KCNIP4: variants seen among roughly 807,000 people sequenced by gnomAD.
KCNIP4 encodes Kv channel-interacting protein 4.
KCNIP4 carries 12 observed loss-of-function variants against 34.0 expected under a neutral mutation model. The observed-to-expected ratio is 0.35, with a 90% CI of 0.23 to 0.57. The LOEUF is 0.57. Among genes scored for constraint, KCNIP4 ranks in the 20% least tolerant of loss-of-function variants. The pLI is 0.83. For missense variants in KCNIP4, 238 were observed against 311.7 expected, an observed-to-expected ratio of 0.76 and a Z score of 1.78; for synonymous variants, 124 against 102.2, an observed-to-expected ratio of 1.21 and a Z score of -1.29.
At chr4:20,946,836 G>T (rs1351850128) in intron 1 of KCNIP4, among the ~76,000 whole-genome samples, 2 of 152,084 alleles carry the variant, frequency 1.3e-5, no homozygotes, top group East Asian at 3.9e-4. Flanking sequence ...CCTAATCTGT[G>T]GGCCCCCATT....
At chr4:20,902,679 C>T (rs370929319) in intron 1 of KCNIP4, among the ~76,000 whole-genome samples, 6 of 152,126 alleles carry the variant, frequency 3.9e-5, no homozygotes, top group South Asian at 2.1e-4. Flanking sequence ...GCCACCACAC[C>T]GGGCTAATTT....
Position 20,951,535 on chromosome 4 carries a change from G to C in KCNIP4, c.62-68826C>G, listed in dbSNP as rs114071414. Reference sequence around the variant, plus strand: ...AGAACCAGCAGCTTCTGGTCATGTAGTTTCCTTCTTAATAAAAGACTAAAT... The same window carrying C: ...AGAACCAGCAGCTTCTGGTCATGTACTTTCCTTCTTAATAAAAGACTAAAT... On this transcript the variant is annotated intron_variant, in intron 1 of 8. Coordinates refer to ENST00000382152, the MANE Select transcript of KCNIP4 (RefSeq NM_025221.6). Among the ~76,000 whole-genome samples the C allele has an allele frequency of 6.1e-3, 927 of 152,242 alleles. 9 individuals are homozygous for C. The highest frequency in any genetic ancestry group is 0.021 in the African/African-American group (874 of 41,534).
intron 1 of KCNIP4, among the ~76,000 whole-genome samples, chr4:20,971,149 G>A (rs542026732): frequency 2.0e-5 from 3 of 152,274 alleles, no homozygotes; most frequent in South Asian, 2.1e-4. Flanking sequence ...TAGAGTGTTT[G>A]GAAAATGATG....
chr4:21,809,294 A>G (rs1366543180), intron 1 of KCNIP4, among the ~76,000 whole-genome samples: 1 of 152,152 alleles, frequency 6.6e-6, no homozygotes, highest in Non-Finnish European at 1.5e-5. Context: ...GCTCTTGGAC[A>G]CCACAGCTCC....
At chr4:21,473,069 T>C (rs559922808) in intron 1 of KCNIP4, among the ~76,000 whole-genome samples, 1 of 152,288 alleles carries the variant, frequency 6.6e-6, no homozygotes, top group East Asian at 1.9e-4. Flanking sequence ...CCTGATCTCT[T>C]TCTTTCTGAC....
At chr4:21,641,656 G>C (rs552051376) in intron 1 of KCNIP4, among the ~76,000 whole-genome samples, 2 of 152,306 alleles carry the variant, frequency 1.3e-5, no homozygotes, top group Middle Eastern at 6.8e-3. Flanking sequence ...ACCAAAGAGA[G>C]ATGTCAGGAG....
intron 1 of KCNIP4, among the ~76,000 whole-genome samples, chr4:21,471,862 A>T (rs1255075013): frequency 6.6e-6 from 1 of 152,184 alleles, no homozygotes; most frequent in African/African-American, 2.4e-5. Flanking sequence ...ACTTTATTTT[A>T]TGTCCCTAAT....
intron 1 of KCNIP4, among the ~76,000 whole-genome samples, chr4:21,451,241 C>T (rs899761852): frequency 2.0e-5 from 3 of 152,046 alleles, no homozygotes; most frequent in African/African-American, 7.3e-5. Context: ...AGATCTCTTT[C>T]CCATCTGGCA....
intron 1 of KCNIP4, among the ~76,000 whole-genome samples, chr4:21,521,455 A>G (rs1735517398): frequency 6.6e-6 from 1 of 152,008 alleles, no homozygotes. Flanking sequence ...TGATCTCTCT[A>G]CTTGGAGGCT....
At chr4:21,431,900 G>C (rs965266733) in intron 1 of KCNIP4, among the ~76,000 whole-genome samples, 1 of 150,584 alleles carries the variant, frequency 6.6e-6, no homozygotes, top group East Asian at 2.0e-4. Flanking sequence ...TGGTACAGTT[G>C]ACCCCAAACC....
At chr4:21,307,784 C>G (rs1245193742) in intron 1 of KCNIP4, among the ~76,000 whole-genome samples, 1 of 152,140 alleles carries the variant, frequency 6.6e-6, no homozygotes, top group Non-Finnish European at 1.5e-5. Flanking sequence ...CCTATTCCTA[C>G]TGCTTCTTTT....
intron 1 of KCNIP4, among the ~76,000 whole-genome samples, chr4:21,699,958 T>C (rs987333653): frequency 5.9e-5 from 9 of 152,026 alleles, no homozygotes; most frequent in Non-Finnish European, 1.2e-4. Flanking sequence ...GAAATACAGG[T>C]AGTCAGTTTC....
At chr4:21,152,761 C>T (rs1182222008) in intron 1 of KCNIP4, among the ~76,000 whole-genome samples, 3 of 152,238 alleles carry the variant, frequency 2.0e-5, no homozygotes, top group South Asian at 2.1e-4. Flanking sequence ...ACCTGAGCTC[C>T]GCCTCTTGTC....
chr4:20,802,846 G>A (rs377397719), intron 3 of KCNIP4, among the ~76,000 whole-genome samples: 9 of 152,106 alleles, frequency 5.9e-5, no homozygotes, highest in East Asian at 1.9e-4. Context: ...AGGCCGAGGC[G>A]GGCGGACCAC....
intron 1 of KCNIP4, among the ~76,000 whole-genome samples, chr4:21,661,075 A>G (rs1042147759): frequency 6.6e-6 from 1 of 152,164 alleles, no homozygotes; most frequent in Admixed American, 6.5e-5. Flanking sequence ...GCAGAGAAGG[A>G]AAGAAGAGAG....
At chr4:21,701,924 A>G (rs1577872450) in intron 1 of KCNIP4, among the ~76,000 whole-genome samples, 1 of 151,986 alleles carries the variant, frequency 6.6e-6, no homozygotes, top group Non-Finnish European at 1.5e-5. Flanking sequence ...GGCTGGTCTC[A>G]AACTCCTGAC....
intron 1 of KCNIP4, among the ~76,000 whole-genome samples, chr4:21,078,614 T>G (rs1296530558): frequency 6.6e-6 from 1 of 152,006 alleles, no homozygotes; most frequent in Non-Finnish European, 1.5e-5. Flanking sequence ...ATATAAATTT[T>G]GGGAAGCACG....
At chr4:21,792,566 A>G (rs1444396269) in intron 1 of KCNIP4, among the ~76,000 whole-genome samples, 3 of 152,210 alleles carry the variant, frequency 2.0e-5, no homozygotes, top group Non-Finnish European at 4.4e-5. Flanking sequence ...AACTCACTAG[A>G]TGGAGAATAA....
chr4:21,096,086 G>A (rs150307027), intron 1 of KCNIP4, among the ~76,000 whole-genome samples: 11 of 152,110 alleles, frequency 7.2e-5, no homozygotes, highest in Admixed American at 2.6e-4. Context: ...TAAATTTACC[G>A]TACATAAAAA....
Sources: allele counts gnomAD v4.1 joint callset (sites outside exome capture counted in the v4.1 genomes callset), GRCh38; gene constraint gnomAD v4.1.1; transcripts MANE v1.5; gene names NCBI Gene and HGNC (gene_info 2026-07-23, HGNC 2026-07-21).